CRYZ: variants seen among roughly 807,000 people sequenced by gnomAD.
The protein encoded by CRYZ is zeta-crystallin.
In CRYZ, 35 loss-of-function variants were observed where a neutral mutation model predicts 34.1. The ratio of observed to expected loss-of-function variants is 1.03; its 90% CI spans 0.78 to 1.36. The LOEUF (loss-of-function observed/expected upper bound fraction) is 1.36, where lower values mean the gene tolerates loss of function less well. Among genes scored for constraint, CRYZ ranks in the 40% most tolerant of loss-of-function variants. The pLI, the probability that CRYZ is intolerant of heterozygous loss-of-function variation, is 0.00. For missense variants in CRYZ, 403 were observed against 391.8 expected, an observed-to-expected ratio of 1.03 and a Z score of -0.24; for synonymous variants, 137 against 136.5, an observed-to-expected ratio of 1.00 and a Z score of -0.03.
At chr1:74,724,658 A>C in intron 2 of CRYZ, 53 bp downstream of exon 2, 11 of 1,099,596 alleles carry the variant, frequency 1.0e-5, no homozygotes, top group African/African-American at 4.8e-5. Context: ...ACAATGTGCA[A>C]GAGACTCACA....
rs1354186676 is a variant in CRYZ, at chr1:74,706,460, A to G, written c.829-3T>C. 1.3e-6 allele frequency: 2 copies of G among 1,586,422 alleles called. No homozygotes were observed. The highest frequency in any genetic ancestry group is 1.7e-6 in the Non-Finnish European group (2 of 1,172,038). ...GCTGCATATTGCTGAAATTCCTCCT[A>G]AGAAAAGGAAAAACAAATTTCTTTT... On this transcript the variant is annotated splice_polypyrimidine_tract_variant and splice_region_variant and intron_variant, in intron 8 of 8. Transcript: ENST00000340866.
intron 3 of CRYZ, among the ~76,000 whole-genome samples, chr1:74,719,675 T>C (rs187758802): frequency 2.2e-4 from 33 of 152,046 alleles, no homozygotes; most frequent in Admixed American, 5.9e-4. Flanking sequence ...TTTGTATTTT[T>C]AGTAGAGACG....
Position 74,710,235 on chromosome 1 carries a change from C to A in CRYZ, c.493G>T (p.Ala165Ser). ...CCATAAGCTCTAGCAATTTGGCATG[C>A]TGCTAATCCAACCTGAAAAACAAAT... The part of the protein sequence containing the change: ...HGASGGVGLA[A>S]CQIARAYGLK... Residue 165 changes from alanine (A) to serine (S), a missense_variant, in exon 6 of 9, where the codon GCA (alanine) becomes TCA (serine). Physicochemically the swap from Ala to Ser is moderately conservative, Grantham distance 99. Coordinates refer to ENST00000340866, the MANE Select transcript of CRYZ (RefSeq NM_001889.4). 1 of 1,613,626 alleles carries A rather than the reference C, an allele frequency of 6.2e-7. No homozygotes were observed. Among genetic ancestry groups the A allele is most frequent in the Admixed American group, 1.7e-5 (1 of 59,952 alleles).
chr1:74,724,478 T>C (rs913703380), intron 2 of CRYZ, among the ~76,000 whole-genome samples: 14 of 152,228 alleles, frequency 9.2e-5, no homozygotes, highest in African/African-American at 3.4e-4. Context: ...ACATAGATCA[T>C]TCCCTACATC....
intron 1 of CRYZ, among the ~76,000 whole-genome samples, chr1:74,732,612 G>C (rs879361459): frequency 0.13 from 6,921 of 52,026 alleles, 1,525 homozygotes; most frequent in African/African-American, 0.22. Flanking sequence ...GGGGGGGGGG[G>C]GGGTGCAGCG....
Position 74,714,617 on chromosome 1 carries a change from C to T in CRYZ, c.442G>A (p.Ala148Thr), listed in dbSNP as rs765762437. The T allele has an allele frequency of 1.9e-6, 3 of 1,613,614 alleles. No individual in the cohort carries two copies. Reference protein sequence around the residue: ...RALIHSACVKAGESVLVHGAS... With the variant: ...RALIHSACVKTGESVLVHGAS... The stretch of plus-strand genomic sequence containing the variant: ...CCATGAACCAGAACACTCTCTCCAG[C>T]TTTCACACAGGCACTGCAAAGGAAA... Residue 148 changes from alanine to threonine, a missense_variant, in exon 5 of 9, where the codon GCT becomes ACT. Ala to Thr is a moderately conservative substitution (Grantham distance 58). Transcript: ENST00000340866.
At position 74,706,432 on chromosome 1, in the gene CRYZ, G is replaced by A; in HGVS notation, c.854C>T (p.Ala285Val). 6.2e-7 allele frequency: 1 copy of A among 1,606,546 alleles called. No homozygotes were observed. The highest frequency in any genetic ancestry group is 1.1e-5 in the South Asian group (1 of 89,306). The part of the protein sequence containing the change: ...TKEEFQQYAA[A>V]LQAGMEIGWL... ...GCCAATTTCCATTCCAGCTTGAAGG[G>A]CTGCTGCATATTGCTGAAATTCCTC... The change falls in exon 9 of 9, where the codon GCC (alanine) becomes GTC (valine). Residue 285 changes from alanine (A) to valine (V), a missense_variant. Ala to Val is a moderately conservative substitution (Grantham distance 64). Coordinates refer to ENST00000340866, the MANE Select transcript of CRYZ (RefSeq NM_001889.4).
intron 3 of CRYZ, among the ~76,000 whole-genome samples, chr1:74,720,783 C>T (rs547395635): frequency 2.0e-5 from 3 of 151,816 alleles, no homozygotes; most frequent in Non-Finnish European, 2.9e-5. Flanking sequence ...ACATTTACTG[C>T]GAATATACTA....
intron 6 of CRYZ, 155 bp from the exon 7 acceptor site, chr1:74,707,359 T>C (rs1326090279): frequency 3.7e-6 from 2 of 546,674 alleles, no homozygotes; most frequent in South Asian, 2.6e-5. Flanking sequence ...AATCTAATTA[T>C]ATAATCACGA....
At chr1:74,711,459 C>G (rs765459298) in intron 5 of CRYZ, among the ~76,000 whole-genome samples, 6 of 152,128 alleles carry the variant, frequency 3.9e-5, no homozygotes, top group Non-Finnish European at 5.9e-5. Context: ...TAGAGGTAAG[C>G]TAATGGGACT....
At chr1:74,714,254 G>A (rs1647041580) in intron 5 of CRYZ, among the ~76,000 whole-genome samples, 1 of 152,126 alleles carries the variant, frequency 6.6e-6, no homozygotes, top group Non-Finnish European at 1.5e-5. Context: ...TTAAAGAACT[G>A]TTTAAAATTC....
At chr1:74,708,954 T>C (rs1483239035) in intron 6 of CRYZ, 1 of 152,214 alleles carries the variant, frequency 6.6e-6, no homozygotes, top group African/African-American at 2.4e-5. Flanking sequence ...CAGGGTCATA[T>C]GCTCCTGAAA....
At chr1:74,711,613 T>C (rs1228515426) in intron 5 of CRYZ, among the ~76,000 whole-genome samples, 1 of 152,112 alleles carries the variant, frequency 6.6e-6, no homozygotes, top group Non-Finnish European at 1.5e-5. Context: ...TTGCCAAGTG[T>C]GGTGGCGCAT....
At chr1:74,711,391 A>C (rs1647000871) in intron 5 of CRYZ, among the ~76,000 whole-genome samples, 1 of 152,246 alleles carries the variant, frequency 6.6e-6, no homozygotes. Flanking sequence ...ATAAGAGATG[A>C]AGCTGGCTTG....
rs757617148 is a variant in CRYZ, at chr1:74,731,786, T to G, written c.-14+1170A>C. 3.3e-5 allele frequency among the ~76,000 whole-genome samples: 5 copies of G among 152,204 alleles called. No individual in the cohort carries two copies. In the South Asian group the frequency reaches 1.0e-3, roughly 31 times the overall value. On this transcript the variant is annotated intron_variant, in intron 1 of 8. Coordinates refer to ENST00000340866, the MANE Select transcript of CRYZ (RefSeq NM_001889.4). ...AATTTCCATTAGCTACGGACAAGCA[T>G]TCCAAACTTTAGCCTTTAGGTTTAA... is the stretch of plus-strand genomic sequence containing the variant.
At chr1:74,727,329 G>A (rs1647402415) in intron 1 of CRYZ, among the ~76,000 whole-genome samples, 1 of 149,778 alleles carries the variant, frequency 6.7e-6, no homozygotes, top group Admixed American at 6.7e-5. Context: ...TTATGGCAAA[G>A]GAGAACAAAG....
chr1:74,724,447 G>T (rs925176412), intron 2 of CRYZ, among the ~76,000 whole-genome samples: 30 of 152,070 alleles, frequency 2.0e-4, no homozygotes, highest in African/African-American at 6.0e-4. Context: ...TGTCCATTCA[G>T]AAAAATCCAA....
chr1:74,724,656 C>A (rs1647242880), intron 2 of CRYZ, 55 bp downstream of exon 2: 1 of 1,082,446 alleles, frequency 9.2e-7, no homozygotes, highest in South Asian at 1.4e-5. Flanking sequence ...ATACAATGTG[C>A]AAGAGACTCA....
chr1:74,728,493 AC>A (rs1189593824), intron 1 of CRYZ, among the ~76,000 whole-genome samples: 1 of 152,224 alleles, frequency 6.6e-6, no homozygotes, highest in African/African-American at 2.4e-5. Flanking sequence ...TTCTGCCATC[AC>A]CTAAAACATC....
Sources: gnomAD v4.1 joint callset for allele counts (sites outside exome capture counted in the v4.1 genomes callset) on GRCh38, gnomAD v4.1.1 for gene constraint, MANE v1.5 for transcripts, NCBI Gene and HGNC (gene_info 2026-07-23, HGNC 2026-07-21) for gene names.